The following SLC71A2 variants were observed in gnomAD, a reference collection of about 807,000 sequenced individuals.
SLC71A2 encodes hippocampus abundant transcript-like 1.
chr9:94,385,024 C>G, the SLC71A2 span, among the ~76,000 whole-genome samples: 1 of 151,740 alleles, frequency 6.6e-6, no homozygotes, highest in Admixed American at 6.6e-5. Flanking sequence ...AGATGCTGTT[C>G]CCTCTCTCTT....
chr9:94,378,985 A>G, the SLC71A2 span, among the ~76,000 whole-genome samples: 1 of 146,614 alleles, frequency 6.8e-6, no homozygotes, highest in African/African-American at 2.5e-5. Flanking sequence ...TTTGTTGGGA[A>G]TTTGCCCATT....
chr9:94,419,226 G>C, the SLC71A2 span, among the ~76,000 whole-genome samples: 14 of 151,328 alleles, frequency 9.3e-5, no homozygotes, highest in East Asian at 2.3e-3. Flanking sequence ...CAATTGTCCT[G>C]CTTCAGCCTC....
At chr9:94,431,076 G>C in the SLC71A2 span, among the ~76,000 whole-genome samples, 4 of 152,168 alleles carry the variant, frequency 2.6e-5, no homozygotes, top group Non-Finnish European at 4.4e-5. Flanking sequence ...ACTTTGGGAG[G>C]CCAAGGCAGG....
the SLC71A2 span, chr9:94,438,370 A>C: frequency 6.2e-7 from 1 of 1,614,004 alleles, no homozygotes; most frequent in Non-Finnish European, 8.5e-7. Flanking sequence ...TCAGATTATA[A>C]AACTAACCTT....
At chr9:94,404,118 C>T in the SLC71A2 span, among the ~76,000 whole-genome samples, 1 of 152,214 alleles carries the variant, frequency 6.6e-6, no homozygotes, top group South Asian at 2.1e-4. Flanking sequence ...TTCCCTGCCT[C>T]CAAAACTGAG....
At chr9:94,408,256 C>T in the SLC71A2 span, among the ~76,000 whole-genome samples, 130 of 152,220 alleles carry the variant, frequency 8.5e-4, 1 homozygote, top group South Asian at 4.4e-3. Context: ...AAGTCTAAAG[C>T]GACTTTCAAG....
chr9:94,389,637 T>C, the SLC71A2 span, among the ~76,000 whole-genome samples: 3 of 146,258 alleles, frequency 2.1e-5, no homozygotes, highest in Admixed American at 6.8e-5. Context: ...GACAAGGTCT[T>C]GCCCTGTTGC....
the SLC71A2 span, among the ~76,000 whole-genome samples, chr9:94,405,498 CAA>C: frequency 4.0e-4 from 24 of 59,810 alleles, no homozygotes; most frequent in South Asian, 3.5e-3. Flanking sequence ...GACTCCGTCT[CAA>C]AAAAAAAAAA....
At chr9:94,449,040 T>G in the SLC71A2 span, among the ~76,000 whole-genome samples, 1 of 152,242 alleles carries the variant, frequency 6.6e-6, no homozygotes, top group Admixed American at 6.5e-5. Context: ...TAAATTAATT[T>G]GTGCATTACA....
the SLC71A2 span, among the ~76,000 whole-genome samples, chr9:94,384,378 G>A: frequency 3.1e-5 from 4 of 128,864 alleles, no homozygotes; most frequent in African/African-American, 1.1e-4. Context: ...TCTCTCTGTT[G>A]CTCAGGCTGG....
the SLC71A2 span, among the ~76,000 whole-genome samples, chr9:94,404,580 A>G: frequency 3.2e-4 from 49 of 152,294 alleles, no homozygotes; most frequent in East Asian, 9.6e-4. Flanking sequence ...ACATACATAC[A>G]TGAGCCACCG....
At chr9:94,417,936 A>G in the SLC71A2 span, among the ~76,000 whole-genome samples, 2 of 119,256 alleles carry the variant, frequency 1.7e-5, no homozygotes, top group Non-Finnish European at 3.2e-5. Context: ...AGCTCCCTGC[A>G]TCCTCCGCCT....
the SLC71A2 span, among the ~76,000 whole-genome samples, chr9:94,400,702 G>A: frequency 4.5e-4 from 69 of 152,166 alleles, no homozygotes; most frequent in African/African-American, 1.5e-3. Flanking sequence ...GTTCCATCCT[G>A]GGATTCTCCA....
At chr9:94,391,197 CAAAAAAAAA>C in the SLC71A2 span, among the ~76,000 whole-genome samples, 2 of 59,076 alleles carry the variant, frequency 3.4e-5, no homozygotes, top group Admixed American at 2.0e-4. Flanking sequence ...ATGTCTCTAC[CAAAAAAAAA>C]AAAAAAAAAA....
At chr9:94,400,166 A>G in the SLC71A2 span, among the ~76,000 whole-genome samples, 8 of 152,202 alleles carry the variant, frequency 5.3e-5, no homozygotes, top group East Asian at 1.5e-3. Context: ...ATGGGAGATC[A>G]GTTTCGAATC....
chr9:94,460,414 C>T, the SLC71A2 span: 1 of 152,562 alleles, frequency 6.6e-6, no homozygotes. Flanking sequence ...GTTTTCAATT[C>T]ATCTTTATTT....
chr9:94,460,849 A>ATCTT, the SLC71A2 span: 1 of 152,356 alleles, frequency 6.6e-6, no homozygotes, highest in African/African-American at 2.4e-5. Flanking sequence ...GAGATAACAT[A>ATCTT]TCTTTTTACT....
chr9:94,428,665 C>T, the SLC71A2 span, among the ~76,000 whole-genome samples: 4 of 136,006 alleles, frequency 2.9e-5, no homozygotes, highest in African/African-American at 1.1e-4. Context: ...GATGAACTTA[C>T]ATTGACATAC....
chr9:94,459,477 G>C, the SLC71A2 span: 1 of 1,579,966 alleles, frequency 6.3e-7, no homozygotes, highest in African/African-American at 1.3e-5. Context: ...CCACACCCCT[G>C]GTGACTTCAT....
Sources: allele counts gnomAD v4.1 joint callset (sites outside exome capture counted in the v4.1 genomes callset), GRCh38; gene constraint gnomAD v4.1.1; transcripts MANE v1.5; gene names NCBI Gene and HGNC (gene_info 2026-07-23, HGNC 2026-07-21).